DMAC2L: variants seen among roughly 807,000 people sequenced by gnomAD.
DMAC2L encodes ATP synthase subunit s, mitochondrial.
Under a neutral mutation model 22.5 loss-of-function variants are expected in DMAC2L, and 21 were observed. That is an observed-to-expected ratio of 0.93 (90% CI 0.66 to 1.34). The LOEUF is 1.34. DMAC2L is among the 40% of genes most tolerant of loss of function. DMAC2L has a pLI of 0.00. For synonymous variants in DMAC2L, 86 were observed against 89.5 expected, an observed-to-expected ratio of 0.96 and a Z score of 0.22; for missense variants, 239 against 246.5, an observed-to-expected ratio of 0.97 and a Z score of 0.20.
In DMAC2L at chr14:50,326,853, C is replaced by T. The variant is rs1595230066; in HGVS notation, c.*1130C>T. 1.4e-6 allele frequency: 1 copy of T among 707,260 alleles called. No individual in the cohort carries two copies. Among genetic ancestry groups the T allele is most frequent in the East Asian group, 1.3e-4 (1 of 7,494 alleles). The allele number at this position is 707,260 out of a possible 1,614,324, so 43.8% of individuals were successfully genotyped here. On this transcript the variant is annotated 3_prime_UTR_variant, in exon 6 of 6. Coordinates refer to ENST00000557421, the MANE Select transcript of DMAC2L (RefSeq NM_001382507.1). ...ACCAGGAGTTTGAGACCAATTTGGG[C>T]AACACAGTGAGACCCCATCTCTAAA...
chr14:50,321,645 T>TA, intron 3 of DMAC2L, 51 bp downstream of exon 3: 1 of 1,355,662 alleles, frequency 7.4e-7, no homozygotes, highest in Non-Finnish European at 1.1e-6. Context: ...TACAGCTAAA[T>TA]AAGTTCCCAA....
Position 50,326,623 on chromosome 14 carries a change from A to G in DMAC2L, c.*900A>G. ...CTTAATTTGTCTATTTTGTAAGCTTAGGCTACTATTTTATTAAAACTGGAC... is the reference window on the plus strand; with the variant it reads ...CTTAATTTGTCTATTTTGTAAGCTTGGGCTACTATTTTATTAAAACTGGAC... On this transcript the variant is annotated 3_prime_UTR_variant, in exon 6 of 6. Transcript: ENST00000557421. 1.0e-6 allele frequency: 1 copy of G among 985,466 alleles called. No individual in the cohort carries two copies. The highest frequency in any genetic ancestry group is 1.2e-6 in the Non-Finnish European group (1 of 829,926). 61.0% of individuals were successfully genotyped at this position (985,466 alleles called of 1,614,324 possible).
At chr14:50,323,234 C>T (rs7155601) in intron 4 of DMAC2L, among the ~76,000 whole-genome samples, 81,934 of 150,604 alleles carry the variant, frequency 0.54, 22,462 homozygotes, top group East Asian at 0.62. Context: ...TATAGGCGCC[C>T]GCCACCATGC....
Position 50,326,103 on chromosome 14 carries a change from G to A in DMAC2L, c.*380G>A, listed in dbSNP as rs1262557155. ...AAATTAGCTGAATGTGGTGGTGCAC[G>A]CCTTTAATCCCAGCTACTCTGGAGG... On this transcript the variant is annotated 3_prime_UTR_variant, in exon 6 of 6. Coordinates refer to ENST00000557421, the MANE Select transcript of DMAC2L (RefSeq NM_001382507.1). 7 of 228,818 alleles carry A rather than the reference G, an allele frequency of 3.1e-5. No individual in the cohort carries two copies. The highest frequency in any genetic ancestry group is 3.6e-5 in the Non-Finnish European group (5 of 137,080). 14.2% of individuals were successfully genotyped at this position (228,818 alleles called of 1,614,324 possible).
At chr14:50,324,151 T>C (rs893567594) in intron 5 of DMAC2L, 35 bp downstream of exon 5, 4 of 1,583,430 alleles carry the variant, frequency 2.5e-6, no homozygotes, top group Non-Finnish European at 3.4e-6. Flanking sequence ...AACTTGATAA[T>C]GCTGTTAAGG....
intron 2 of DMAC2L, among the ~76,000 whole-genome samples, chr14:50,316,447 C>T (rs1417661407): frequency 5.3e-5 from 8 of 152,130 alleles, no homozygotes; most frequent in African/African-American, 1.9e-4. Context: ...CTTTTGGGTT[C>T]TTGGTCATGA....
chr14:50,322,754 A>G, intron 4 of DMAC2L, 35 bp downstream of exon 4: 3 of 1,613,710 alleles, frequency 1.9e-6, no homozygotes, highest in Non-Finnish European at 2.5e-6. Context: ...TAGAAAATGC[A>G]GATGATTTGC....
At position 50,315,167 on chromosome 14, in the gene DMAC2L, C is replaced by T. The variant is rs112178248; in HGVS notation, c.-6+541C>T. Among the ~76,000 whole-genome samples the T allele has an allele frequency of 6.4e-3, 962 of 150,896 alleles. 13 individuals carry two copies. Among genetic ancestry groups the T allele is most frequent in the African/African-American group, 0.021 (880 of 41,150 alleles). ...ATTTTTAGTAGAGACAGGGTTTCAC[C>T]GTGTTAGCCAGGATGGTCTCAATCT... On this transcript the variant is annotated intron_variant, in intron 2 of 5. Coordinates refer to ENST00000557421, the MANE Select transcript of DMAC2L (RefSeq NM_001382507.1).
At chr14:50,321,319 TA>T (rs529956937) in intron 2 of DMAC2L, 163 bp from the exon 3 acceptor site, 3 of 1,317,636 alleles carry the variant, frequency 2.3e-6, no homozygotes, top group Non-Finnish European at 2.0e-6. Flanking sequence ...AGCAAACAAA[TA>T]AAAAACCCCA....
chr14:50,318,664 T>A (rs1412280894), intron 2 of DMAC2L, among the ~76,000 whole-genome samples: 2 of 152,214 alleles, frequency 1.3e-5, no homozygotes, highest in Non-Finnish European at 2.9e-5. Context: ...TTGCATACTC[T>A]TTTTTCGTTC....
At chr14:50,321,692 G>A in intron 3 of DMAC2L, 98 bp downstream of exon 3, 1 of 823,974 alleles carries the variant, frequency 1.2e-6, no homozygotes, top group Non-Finnish European at 1.9e-6. Context: ...TACAGTTTGT[G>A]CAGTGTGATC....
chr14:50,323,910 A>G (rs2032500857), intron 4 of DMAC2L, 35 bp from the exon 5 acceptor site: 1 of 1,546,456 alleles, frequency 6.5e-7, no homozygotes, highest in South Asian at 1.2e-5. Flanking sequence ...TCTTAGTGGT[A>G]AAGCAGATTC....
rs1220108385 is a variant in DMAC2L, at chr14:50,322,543, C to T, written c.140C>T (p.Pro47Leu). ...TATGATCGCATCAGGGATGTTGGCC[C>T]TGACAGGGCGGCATCCGAGTGGTTG... ...VDYDRIRDVG[P>L]DRAASEWLLR... Residue 47 changes from proline (P) to leucine (L), a missense_variant, in exon 4 of 6, where the codon CCT becomes CTT. Coordinates refer to ENST00000557421, the MANE Select transcript of DMAC2L (RefSeq NM_001382507.1). The T allele has an allele frequency of 6.2e-7, 1 of 1,613,278 alleles. No homozygotes were observed. The highest frequency in any genetic ancestry group is 8.5e-7 in the Non-Finnish European group (1 of 1,179,280).
rs774436343 is a variant in DMAC2L, at chr14:50,313,026, C to T, written c.-42+637C>T. ...GAACCGAGATACAGTTTTAAATGTG[C>T]TGTGCGGTCTCTGAGCAGCGACTCA... On this transcript the variant is annotated intron_variant, in intron 1 of 5. Coordinates refer to ENST00000557421, the MANE Select transcript of DMAC2L (RefSeq NM_001382507.1). 7 of 1,613,978 alleles carry T rather than the reference C, an allele frequency of 4.3e-6. No individual in the cohort carries two copies. The East Asian group carries it at 6.7e-5, about 15-fold the overall frequency.
At chr14:50,315,422 G>A (rs973382357) in intron 2 of DMAC2L, among the ~76,000 whole-genome samples, 3 of 151,402 alleles carry the variant, frequency 2.0e-5, no homozygotes, top group African/African-American at 7.3e-5. Flanking sequence ...CCAGCACTTT[G>A]GGAGGCCAAG....
At chr14:50,322,484 A>C in intron 3 of DMAC2L, 27 bp from the exon 4 acceptor site, 5 of 1,575,632 alleles carry the variant, frequency 3.2e-6, no homozygotes, top group Non-Finnish European at 4.3e-6. Flanking sequence ...TTGTAAAAGC[A>C]AACTGCTTTT....
chr14:50,316,528 T>G (rs2031814508), intron 2 of DMAC2L, among the ~76,000 whole-genome samples: 1 of 152,252 alleles, frequency 6.6e-6, no homozygotes, highest in Non-Finnish European at 1.5e-5. Context: ...TAGTTTCAGG[T>G]CTTAGATGTA....
chr14:50,312,225 T>C, upstream of DMAC2L: 2 of 1,573,406 alleles, frequency 1.3e-6, no homozygotes, highest in Non-Finnish European at 1.7e-6. Context: ...CCCGCGCTCT[T>C]TAGCCCCGCC....
chr14:50,323,697 T>G (rs2032484297), intron 4 of DMAC2L, among the ~76,000 whole-genome samples: 1 of 152,188 alleles, frequency 6.6e-6, no homozygotes, highest in Non-Finnish European at 1.5e-5. Context: ...CCTGGCCCTA[T>G]GTGGGCATTT....
Sources: gnomAD v4.1 joint callset for allele counts (sites outside exome capture counted in the v4.1 genomes callset) on GRCh38, gnomAD v4.1.1 for gene constraint, MANE v1.5 for transcripts, NCBI Gene and HGNC (gene_info 2026-07-23, HGNC 2026-07-21) for gene names.